LBR: variants seen among roughly 807,000 people sequenced by gnomAD.
LBR encodes lamin B receptor, also known as delta(14)-sterol reductase LBR.
In LBR, 28 loss-of-function variants were observed where a neutral mutation model predicts 74.3. That is an observed-to-expected ratio of 0.38 (90% CI 0.28 to 0.52). The LOEUF is 0.52. LBR is among the 20% of genes least tolerant of loss of function. The probability of loss-of-function intolerance (pLI) is 0.89; values close to 1 mark genes in which losing one functional copy is unlikely to be tolerated. For missense variants in LBR, 717 were observed against 760.3 expected (o/e 0.94, Z 0.67); for synonymous variants, 228 against 269.3 (o/e 0.85, Z 1.50).
At chr1:225,427,043 G>A (rs915078184) in intron 1 of LBR, among the ~76,000 whole-genome samples, 2 of 152,218 alleles carry the variant, frequency 1.3e-5, no homozygotes, top group Non-Finnish European at 2.9e-5. Context: ...AAGGTCCCCG[G>A]GGGCCTGTTC....
At chr1:225,412,159 C>G (rs964898380) in intron 8 of LBR, among the ~76,000 whole-genome samples, 7 of 151,976 alleles carry the variant, frequency 4.6e-5, no homozygotes, top group Admixed American at 4.6e-4. Context: ...CTATTTTGGA[C>G]AAAGAAATAA....
chr1:225,415,837 C>T (rs1423442497), intron 6 of LBR, among the ~76,000 whole-genome samples: 1 of 152,152 alleles, frequency 6.6e-6, no homozygotes, highest in Non-Finnish European at 1.5e-5. Flanking sequence ...CTTACTTGCT[C>T]TGCTATATAT....
At chr1:225,413,961 T>C (rs2096111613) in intron 7 of LBR, 1 of 456,756 alleles carries the variant, frequency 2.2e-6, no homozygotes, top group Non-Finnish European at 4.4e-6. Flanking sequence ...AGAAAAGAAT[T>C]GGTACCTACA....
chr1:225,426,209 A>C (rs2150961809), intron 1 of LBR, among the ~76,000 whole-genome samples: 1 of 151,604 alleles, frequency 6.6e-6, no homozygotes, highest in Non-Finnish European at 1.5e-5. Flanking sequence ...GTGCACCCCC[A>C]CTTTACACAA....
intron 10 of LBR, among the ~76,000 whole-genome samples, chr1:225,408,295 T>C (rs1455421224): frequency 6.6e-6 from 1 of 152,228 alleles, no homozygotes. Context: ...GTGTTTTAAC[T>C]TTCTGTCCCC....
intron 3 of LBR, among the ~76,000 whole-genome samples, chr1:225,421,345 C>A (rs146316218): frequency 6.6e-6 from 1 of 152,224 alleles, no homozygotes. Context: ...TACAAAAAAT[C>A]AGCCAGGCAT....
At chr1:225,414,230 A>G (rs559647552) in intron 7 of LBR, 5 of 438,516 alleles carry the variant, frequency 1.1e-5, no homozygotes, top group African/African-American at 2.0e-5. Flanking sequence ...GACTGGCACT[A>G]AAAGGCAGAA....
Position 225,406,584 on chromosome 1 carries a change from C to T in LBR, c.1483+80G>A, listed in dbSNP as rs1478158326. 37 of 1,262,232 alleles carry T rather than the reference C, an allele frequency of 2.9e-5. No individual in the cohort carries two copies. In the Admixed American group the frequency reaches 3.4e-4, roughly 12 times the overall value. 78.2% of individuals were successfully genotyped at this position (1,262,232 alleles called of 1,614,324 possible). A position where few individuals can be genotyped will look rare whatever the true frequency, so the allele number is the denominator to read the frequency against. ...GCTGGCCATTCAAAATGGCATGTTT[C>T]AAGTATGTAGACAGCAGGGCATAAA... On this transcript the variant is annotated intron_variant, in intron 11 of 13. Transcript: ENST00000272163.
chr1:225,413,258 G>C lies in LBR; in HGVS notation c.893-613C>G, dbSNP rs138928178. ...GGGACTGCGAGTACCTGGGGGGTAGGGACAGCAGGCGGGGACATTCACGTG... is the reference window on the plus strand; with the variant it reads ...GGGACTGCGAGTACCTGGGGGGTAGCGACAGCAGGCGGGGACATTCACGTG... On this transcript the variant is annotated intron_variant, in intron 7 of 13. Transcript: ENST00000272163. 2.7e-3 allele frequency among the ~76,000 whole-genome samples: 416 copies of C among 152,322 alleles called. 1 individual carries two copies. Among genetic ancestry groups the C allele is most frequent in the African/African-American group, 9.7e-3 (404 of 41,558 alleles).
At chr1:225,412,794 A>C (rs927851711) in intron 7 of LBR, 149 bp from the exon 8 acceptor site, 2 of 731,794 alleles carry the variant, frequency 2.7e-6, no homozygotes, top group African/African-American at 1.8e-5. Context: ...GCAAATAAGC[A>C]ATGTCTGAGG....
chr1:225,415,160 C>T (rs546346453), intron 7 of LBR, 118 bp downstream of exon 7: 1 of 706,774 alleles, frequency 1.4e-6, no homozygotes, highest in African/African-American at 1.8e-5. Context: ...GCTCTTCCAA[C>T]TACTAAGAAA....
rs1372308839 is a variant in LBR at position 225,411,521 on chromosome 1, C to G, written c.1085-81G>C. ...TACAACGGCACTGCCGCCCACTATC[C>G]AGGCTCACAATTCCACTGCCTGCAA... On this transcript the variant is annotated intron_variant, in intron 8 of 13. Transcript: ENST00000272163. The G allele has an allele frequency of 9.0e-6, 9 of 1,003,204 alleles. No homozygotes were observed. In the African/African-American group the frequency reaches 1.4e-4, roughly 16 times the overall value. The allele number at this position is 1,003,204 out of a possible 1,614,324, so 62.1% of individuals were successfully genotyped here. A position where few individuals can be genotyped will look rare whatever the true frequency, so the allele number is the denominator to read the frequency against.
chr1:225,428,719 GC>G (rs1273852845), upstream of LBR: 1 of 152,210 alleles, frequency 6.6e-6, no homozygotes, highest in Non-Finnish European at 1.5e-5. Flanking sequence ...GCGAGGAGGG[GC>G]TCGGTTGTTA....
chr1:225,419,124 A>G, intron 5 of LBR, 139 bp downstream of exon 5: 1 of 785,476 alleles, frequency 1.3e-6, no homozygotes, highest in Non-Finnish European at 2.2e-6. Flanking sequence ...CTTCTCTGGA[A>G]GGCTCTTCCA....
intron 10 of LBR, among the ~76,000 whole-genome samples, chr1:225,408,765 T>C (rs981759343): frequency 1.3e-5 from 2 of 152,274 alleles, no homozygotes; most frequent in African/African-American, 4.8e-5. Context: ...CCTGGGGCTA[T>C]GTTAATATTG....
At position 225,410,290 on chromosome 1, in the gene LBR, C is replaced by A; in HGVS notation, c.1314+1G>T. The stretch of plus-strand genomic sequence containing the variant: ...AGGCCTCGGCTCTTAAAATTAATTA[C>A]CTCATTCCAGAGAGCATCCACCACA... On this transcript the variant is annotated splice_donor_variant, in intron 10 of 13. Coordinates refer to ENST00000272163, the MANE Select transcript of LBR (RefSeq NM_002296.4). LOFTEE classifies it high-confidence loss of function. The A allele has an allele frequency of 4.3e-6, 7 of 1,614,088 alleles. No individual in the cohort carries two copies. Among genetic ancestry groups the A allele is most frequent in the Non-Finnish European group, 3.4e-6 (4 of 1,179,998 alleles).
intron 9 of LBR, 116 bp downstream of exon 9, chr1:225,411,221 A>G: frequency 1.2e-6 from 1 of 801,626 alleles, no homozygotes; most frequent in South Asian, 1.4e-5. Flanking sequence ...ATGGAAAGCC[A>G]TAATTATCCC....
intron 11 of LBR, 54 bp downstream of exon 11, chr1:225,406,602 GGCATAAAA>G (rs1417634678): frequency 7.1e-7 from 1 of 1,403,980 alleles, no homozygotes; most frequent in East Asian, 2.3e-5. Context: ...TAGACAGCAG[GGCATAAAA>G]GCCTCAGTAC....
intron 6 of LBR, 62 bp downstream of exon 6, chr1:225,417,922 C>T (rs1420855963): frequency 1.1e-5 from 16 of 1,495,476 alleles, no homozygotes; most frequent in Admixed American, 6.9e-5. Context: ...ATTGGAGACC[C>T]GCCTGGACAA....
Sources: gnomAD v4.1 joint callset for allele counts (sites outside exome capture counted in the v4.1 genomes callset) on GRCh38, gnomAD v4.1.1 for gene constraint, MANE v1.5 for transcripts, NCBI Gene and HGNC (gene_info 2026-07-23, HGNC 2026-07-21) for gene names.